TNRC6C: variants seen among roughly 807,000 people sequenced by gnomAD.
The protein encoded by TNRC6C is trinucleotide repeat-containing gene 6C protein.
TNRC6C carries 20 observed loss-of-function variants against 153.7 expected under a neutral mutation model. The observed-to-expected ratio is 0.13, with a 90% confidence interval of 0.09 to 0.19. The LOEUF (loss-of-function observed/expected upper bound fraction) is 0.19. Ranked by LOEUF, TNRC6C falls within the 10% of genes least tolerant of loss-of-function variation. The pLI is 1.00. For missense variants in TNRC6C, 1,987 were observed against 2,172.0 expected, an observed-to-expected ratio of 0.91 and a Z score of 1.69; for synonymous variants, 811 against 841.4, an observed-to-expected ratio of 0.96 and a Z score of 0.63.
chr17:78,086,400 T>G, intron 11 of TNRC6C, 103 bp from the exon 14 acceptor site: 1 of 753,744 alleles, frequency 1.3e-6, no homozygotes, highest in Non-Finnish European at 2.1e-6. Context: ...GAAGAGTGGC[T>G]AGGTTCTCTT....
At chr17:78,006,571 TCTTCCTTCTTCTTC>T (rs2071515257) in intron 1 of TNRC6C, among the ~76,000 whole-genome samples, 58 of 147,366 alleles carry the variant, frequency 3.9e-4, no homozygotes, top group African/African-American at 1.4e-3. Flanking sequence ...CCTTCTTCCT[TCTTCCTTCTTCTTC>T]CTTCTTCCTT....
At position 78,098,325 on chromosome 17, in the gene TNRC6C, ATC is replaced by A. The variant is rs1235927522; in HGVS notation, c.4307-12_4307-11del. ...TTTGTCTCAAGACTGCATATGCTCC[ATC>A]TCTCTGCCTTTCTAGGTAAACTGTC... On this transcript the variant is annotated splice_polypyrimidine_tract_variant and intron_variant, in intron 16 of 19. Transcript: ENST00000301624. 1.9e-6 allele frequency: 3 copies of A among 1,595,950 alleles called. No homozygotes were observed. Among genetic ancestry groups the A allele is most frequent in the East Asian group, 4.5e-5 (2 of 44,520 alleles).
At chr17:77,978,690 C>T (rs1035842766) in intron 1 of TNRC6C, among the ~76,000 whole-genome samples, 2 of 152,098 alleles carry the variant, frequency 1.3e-5, no homozygotes, top group African/African-American at 4.8e-5. Flanking sequence ...ATGTCAGAGG[C>T]GGGGGTCACA....
At chr17:77,957,887 G>T (rs1235294546), upstream of TNRC6C, among the ~76,000 whole-genome samples, 1 of 152,250 alleles carries the variant, frequency 6.6e-6, no homozygotes, top group Non-Finnish European at 1.5e-5. Flanking sequence ...GCGCCGGAGC[G>T]CCCGGGTTCG....
upstream of TNRC6C, among the ~76,000 whole-genome samples, chr17:77,958,357 C>T (rs532682919): frequency 7.3e-4 from 111 of 152,138 alleles, no homozygotes; most frequent in Non-Finnish European, 1.5e-3. Flanking sequence ...GTAACCCCCC[C>T]GAGCAGTGCA....
At chr17:78,094,368 C>A (rs930661120) in intron 16 of TNRC6C, among the ~76,000 whole-genome samples, 14 of 151,962 alleles carry the variant, frequency 9.2e-5, no homozygotes, top group Admixed American at 8.5e-4. Context: ...TAGATAGTTC[C>A]CAAAACATTG....
chr17:78,008,498 G>A (rs1411953930), intron 1 of TNRC6C: 1 of 152,194 alleles, frequency 6.6e-6, no homozygotes, highest in Non-Finnish European at 1.5e-5. Flanking sequence ...CTTTTATTCA[G>A]CCCCGGGGGT....
At position 78,104,460 on chromosome 17, in the gene TNRC6C, C is replaced by G. The variant is rs1409545991; in HGVS notation, c.4713-25C>G. 1 of 1,472,388 alleles carries G rather than the reference C, an allele frequency of 6.8e-7. No homozygotes were observed. The allele number at this position is 1,472,388 out of a possible 1,614,324, so 91.2% of individuals were successfully genotyped here. ...CAGCAGGACTTGGGGTGGCCCTGTTCACGTGCCCCATCTTGCTGTTGCAGG... is the reference window on the plus strand; with the variant it reads ...CAGCAGGACTTGGGGTGGCCCTGTTGACGTGCCCCATCTTGCTGTTGCAGG... On this transcript the variant is annotated intron_variant, in intron 19 of 19. Coordinates refer to ENST00000301624, the Ensembl canonical transcript of TNRC6C. The surrounding 1 kb of genome is among the most constrained non-coding windows in gnomAD (Gnocchi z 6.2).
At chr17:78,066,017 G>A (rs1292813075) in intron 4 of TNRC6C, among the ~76,000 whole-genome samples, 1 of 152,146 alleles carries the variant, frequency 6.6e-6, no homozygotes, top group Admixed American at 6.5e-5. Context: ...GACCACCTGA[G>A]GTCAGGAGTT....
intron 4 of TNRC6C, chr17:78,066,490 G>A (rs1427055502): frequency 6.6e-6 from 1 of 151,872 alleles, no homozygotes; most frequent in African/African-American, 2.4e-5. Context: ...AGATTCATGC[G>A]CCATTTTGAG....
intron 1 of TNRC6C, among the ~76,000 whole-genome samples, chr17:77,962,833 GTC>G (rs2070871739): frequency 6.6e-6 from 1 of 152,192 alleles, no homozygotes; most frequent in African/African-American, 2.4e-5. Flanking sequence ...ACAGTCTTTG[GTC>G]TCTCTTGCAT....
At chr17:78,051,156 G>T (rs536444539) in exon 3 of TNRC6C, 6 of 1,576,426 alleles carry the variant, frequency 3.8e-6, no homozygotes, top group South Asian at 1.2e-5. Context: ...GGCCGGTACC[G>T]GTCAAACAGA....
intron 1 of TNRC6C, among the ~76,000 whole-genome samples, chr17:77,981,039 A>G (rs1031807057): frequency 2.6e-5 from 4 of 152,046 alleles, no homozygotes; most frequent in African/African-American, 9.7e-5. Context: ...GCAGTGGTGC[A>G]GTTACGGCTC....
At chr17:78,080,536 A>G (rs1338738905) in intron 10 of TNRC6C, among the ~76,000 whole-genome samples, 1 of 152,236 alleles carries the variant, frequency 6.6e-6, no homozygotes, top group Non-Finnish European at 1.5e-5. Flanking sequence ...ATATATATCA[A>G]TTGTTCTTGT....
chr17:78,008,295 T>TA (rs1441330438), intron 1 of TNRC6C: 1 of 152,232 alleles, frequency 6.6e-6, no homozygotes, highest in Admixed American at 6.5e-5. Flanking sequence ...TTTGTAAAAT[T>TA]ACCACTGAAC....
intron 10 of TNRC6C, among the ~76,000 whole-genome samples, chr17:78,080,854 A>C (rs1424528131): frequency 6.6e-6 from 1 of 152,184 alleles, no homozygotes; most frequent in Non-Finnish European, 1.5e-5. Context: ...AAAATTTCTG[A>C]GGGATCTTAT....
rs1399963607 is a variant in TNRC6C, at chr17:78,050,124, C to T, written c.1062C>T (p.Asp354=). The change falls in exon 3 of 20, where the codon GAC becomes GAT. Residue 354 remains aspartate (D), a synonymous_variant. Transcript: ENST00000301624. ...CCCCAAACCAGCATTCCAACAGTGACATCAATGGGAAAGGATCAACAGGGT... is the reference window on the plus strand; with the variant it reads ...CCCCAAACCAGCATTCCAACAGTGATATCAATGGGAAAGGATCAACAGGGT... The T allele has an allele frequency of 3.7e-6, 6 of 1,605,266 alleles. No individual in the cohort carries two copies. In the African/African-American group the frequency reaches 4.0e-5, roughly 11 times the overall value.
intron 1 of TNRC6C, among the ~76,000 whole-genome samples, chr17:78,017,198 C>T (rs2071743983): frequency 6.6e-6 from 1 of 152,066 alleles, no homozygotes; most frequent in Non-Finnish European, 1.5e-5. Flanking sequence ...ATTATTTGGT[C>T]TTTATGCCTT....
At chr17:78,094,403 A>G (rs2073446565) in intron 16 of TNRC6C, among the ~76,000 whole-genome samples, 1 of 149,532 alleles carries the variant, frequency 6.7e-6, no homozygotes, top group African/African-American at 2.5e-5. Context: ...AATATGACTC[A>G]TTGGAGCCAT....
Sources: allele counts gnomAD v4.1 joint callset (sites outside exome capture counted in the v4.1 genomes callset), GRCh38; gene constraint gnomAD v4.1.1; non-coding constraint Gnocchi (gnomAD v3.1); transcripts MANE v1.5; gene names NCBI Gene and HGNC (gene_info 2026-07-23, HGNC 2026-07-21).